Variants in STRN observed in about 807,000 individuals in gnomAD.
STRN encodes the protein protein phosphatase 2 regulatory subunit B'''alpha.
Under a neutral mutation model 96.3 loss-of-function variants are expected in STRN, and 53 were observed. The observed-to-expected ratio is 0.55, with a 90% confidence interval of 0.44 to 0.69. The LOEUF is 0.69. Ranked by LOEUF, STRN falls within the 30% of genes least tolerant of loss-of-function variation. STRN has a pLI of 0.00. For missense variants in STRN, 987 were observed against 963.9 expected (o/e 1.02, Z -0.32); for synonymous variants, 428 against 355.9 (o/e 1.20, Z -2.28).
At chr2:36,959,563 T>C (rs144334004) in intron 1 of STRN, among the ~76,000 whole-genome samples, 1 of 152,330 alleles carries the variant, frequency 6.6e-6, no homozygotes, top group African/African-American at 2.4e-5. Flanking sequence ...ATTTCCAAAG[T>C]TCATTCCAGC....
chr2:36,889,618 T>TTTGTTTGG (rs1558639248), intron 7 of STRN, among the ~76,000 whole-genome samples: 1 of 91,236 alleles, frequency 1.1e-5, no homozygotes, highest in Non-Finnish European at 2.0e-5. Flanking sequence ...TTCTTTTTTT[T>TTTGTTTGG]GGGGGGGGTG....
At chr2:36,918,556 G>C (rs1363510067) in intron 2 of STRN, among the ~76,000 whole-genome samples, 3 of 151,726 alleles carry the variant, frequency 2.0e-5, no homozygotes, top group African/African-American at 7.3e-5. Flanking sequence ...CCTACAAAAA[G>C]GGAACAGAAA....
intron 4 of STRN, among the ~76,000 whole-genome samples, chr2:36,904,603 G>A (rs1227616476): frequency 6.6e-6 from 1 of 152,188 alleles, no homozygotes; most frequent in African/African-American, 2.4e-5. Flanking sequence ...GAGGTGGGGA[G>A]ATCACTCGAA....
chr2:36,861,931 TCA>T (rs1668497442), intron 12 of STRN, among the ~76,000 whole-genome samples: 3 of 152,158 alleles, frequency 2.0e-5, no homozygotes, highest in Admixed American at 6.5e-5. Context: ...TTCCCACCCT[TCA>T]CAGTCAAGTT....
chr2:36,857,393 G>C (rs549156014), intron 14 of STRN, among the ~76,000 whole-genome samples: 62 of 152,070 alleles, frequency 4.1e-4, no homozygotes, highest in African/African-American at 1.0e-3. Context: ...AAAAATTATA[G>C]GCTGGGTGCA....
rs559330749 is a variant in STRN, at chr2:36,886,869, T to C, written c.932-43A>G. The C allele has an allele frequency of 4.8e-5, 73 of 1,505,816 alleles. No individual in the cohort carries two copies. The Admixed American group carries it at 7.8e-4, about 16-fold the overall frequency. 93.3% of individuals were successfully genotyped at this position (1,505,816 alleles called of 1,614,324 possible). A position where few individuals can be genotyped will look rare whatever the true frequency, so the allele number is the denominator to read the frequency against. On this transcript the variant is annotated intron_variant, in intron 7 of 17. Transcript: ENST00000263918. ...AATGAAACAGCCTTTTTCAATAAAA[T>C]ATTGAACACTCTGAGTCAGTATGTC...
Position 36,893,913 on chromosome 2 carries a change from C to A in STRN, c.916G>T (p.Asp306Tyr). Residue 306 changes from aspartate (D) to tyrosine (Y), a missense_variant, in exon 7 of 18, where the codon GAT (aspartate) becomes TAT (tyrosine). Coordinates refer to ENST00000263918, the MANE Select transcript of STRN (RefSeq NM_003162.4). ...EGDNESRSAG[D>Y]GTDWEKEDQC... Reference sequence around the variant, plus strand: ...GCTTCCTTACCCCAGTCTGTTCCATCGCCTGCACTTCTAGATTCATTGTCT... The same window carrying A: ...GCTTCCTTACCCCAGTCTGTTCCATAGCCTGCACTTCTAGATTCATTGTCT... 6.2e-7 allele frequency: 1 copy of A among 1,611,762 alleles called. No homozygotes were observed. Among genetic ancestry groups the A allele is most frequent in the Admixed American group, 1.7e-5 (1 of 59,550 alleles).
At chr2:36,867,555 A>G (rs1195719348) in intron 12 of STRN, 1 of 260,838 alleles carries the variant, frequency 3.8e-6, no homozygotes, top group Non-Finnish European at 7.2e-6. Context: ...TCTAATATTT[A>G]AACCTAGTTG....
rs756874614 is a variant in STRN, at chr2:36,869,751, G to C, written c.1324-22C>G. On this transcript the variant is annotated intron_variant, in intron 10 of 17. Coordinates refer to ENST00000263918, the MANE Select transcript of STRN (RefSeq NM_003162.4). ...CTATCTATTAAAGAAACAAAACAAAGATATCTACACACTTAGTTAAGGATA... is the reference window on the plus strand; with the variant it reads ...CTATCTATTAAAGAAACAAAACAAACATATCTACACACTTAGTTAAGGATA... The C allele has an allele frequency of 5.8e-6, 9 of 1,561,858 alleles. No homozygotes were observed. The South Asian group carries it at 8.5e-5, about 15-fold the overall frequency.
At chr2:36,886,292 T>A (rs1174505317) in intron 8 of STRN, among the ~76,000 whole-genome samples, 3 of 152,148 alleles carry the variant, frequency 2.0e-5, no homozygotes, top group Non-Finnish European at 4.4e-5. Context: ...GGGGTAGAAA[T>A]TAACTTTCTG....
chr2:36,950,994 A>C (rs1395918477), intron 1 of STRN, among the ~76,000 whole-genome samples: 1 of 152,212 alleles, frequency 6.6e-6, no homozygotes, highest in African/African-American at 2.4e-5. Flanking sequence ...AATGTAACAT[A>C]AAATCAGAAA....
intron 12 of STRN, among the ~76,000 whole-genome samples, chr2:36,865,837 G>A (rs1668607979): frequency 6.6e-6 from 1 of 152,178 alleles, no homozygotes; most frequent in East Asian, 1.9e-4. Flanking sequence ...TGGAATTACA[G>A]GTGTGAGCCA....
intron 1 of STRN, among the ~76,000 whole-genome samples, chr2:36,943,838 C>G (rs995077204): frequency 6.6e-6 from 1 of 151,946 alleles, no homozygotes; most frequent in African/African-American, 2.4e-5. Flanking sequence ...CAAACTTGGC[C>G]GAGCACAGTG....
rs1268875178 is a variant in STRN at position 36,966,213 on chromosome 2, G to A, written c.234+17C>T. The A allele has an allele frequency of 6.5e-6, 10 of 1,543,054 alleles. No individual in the cohort carries two copies. The Admixed American group carries it at 7.7e-5, about 12-fold the overall frequency. ...AAAGAGGCGGGATGAAGACGGCCAG[G>A]CCGGGAGGGTCTTTACCTGCAGCTC... On this transcript the variant is annotated intron_variant, in intron 1 of 17. Coordinates refer to ENST00000263918, the MANE Select transcript of STRN (RefSeq NM_003162.4).
At chr2:36,943,601 A>G (rs1034337166) in intron 1 of STRN, among the ~76,000 whole-genome samples, 7 of 151,578 alleles carry the variant, frequency 4.6e-5, no homozygotes, top group African/African-American at 1.7e-4. Flanking sequence ...TCAGGAGATC[A>G]AGACCATCCC....
rs551204222 is a variant in STRN at position 36,845,454 on chromosome 2, C to G, written c.*4002G>C. 6.6e-6 allele frequency: 1 copy of G among 151,980 alleles called. No individual in the cohort carries two copies. Among genetic ancestry groups the G allele is most frequent in the Non-Finnish European group, 1.5e-5 (1 of 67,980 alleles). The allele number at this position is 151,980 out of a possible 1,614,324, so 9.4% of individuals were successfully genotyped here. On this transcript the variant is annotated 3_prime_UTR_variant, in exon 18 of 18. Coordinates refer to ENST00000263918, the MANE Select transcript of STRN (RefSeq NM_003162.4). ...GACAAAGAGGTAGATATGAGAGATGCTTTTTAAATATTTTAAGACTATTCT... is the reference window on the plus strand; with the variant it reads ...GACAAAGAGGTAGATATGAGAGATGGTTTTTAAATATTTTAAGACTATTCT...
At chr2:36,930,946 C>A (rs1243325756) in intron 1 of STRN, among the ~76,000 whole-genome samples, 1 of 151,764 alleles carries the variant, frequency 6.6e-6, no homozygotes, top group African/African-American at 2.4e-5. Context: ...GGCAGGAGAA[C>A]TGCTTGAACC....
At chr2:36,905,142 TG>T (rs1669789688) in intron 4 of STRN, among the ~76,000 whole-genome samples, 1 of 152,120 alleles carries the variant, frequency 6.6e-6, no homozygotes, top group African/African-American at 2.4e-5. Context: ...GCTAATTTTG[TG>T]TTTTTAGTAG....
At chr2:36,904,864 G>C (rs954567409) in intron 4 of STRN, among the ~76,000 whole-genome samples, 5 of 151,852 alleles carry the variant, frequency 3.3e-5, no homozygotes, top group African/African-American at 1.2e-4. Context: ...ATGAATGAAT[G>C]AAATATATGT....
Sources: allele counts gnomAD v4.1 joint callset (sites outside exome capture counted in the v4.1 genomes callset), GRCh38; gene constraint gnomAD v4.1.1; transcripts MANE v1.5; gene names NCBI Gene and HGNC (gene_info 2026-07-23, HGNC 2026-07-21).